KCNQ1OT1: variants seen among roughly 807,000 people sequenced by gnomAD.
KCNQ1OT1 encodes KCNQ1 antisense RNA 2 (non-protein coding).
At chr11:2,699,487 GGGAGAGTGCCGCGCTGAGGAGCCCCCA>G (rs562085347) in exon 1 of KCNQ1OT1, 140,935 of 402,384 alleles carry the variant, frequency 0.35, 28,482 homozygotes, top group East Asian at 0.83. Flanking sequence ...GGAGCCCCCG[GGGAGAGTGCCGCGCTGAGGAGCCCCCA>G]GGAGAGTGCC....
exon 1 of KCNQ1OT1, chr11:2,688,760 T>C: frequency 2.5e-6 from 1 of 398,842 alleles, no homozygotes. Context: ...CTGTGGCAGT[T>C]TCCACCTATA....
chr11:2,660,141 T>C (rs953941034), exon 1 of KCNQ1OT1: 2 of 398,328 alleles, frequency 5.0e-6, no homozygotes, highest in African/African-American at 4.1e-5. Flanking sequence ...GGAGATTTTC[T>C]CTTATGTTTT....
At chr11:2,625,478 AC>A (rs1458575767) in exon 1 of KCNQ1OT1, 1 of 397,956 alleles carries the variant, frequency 2.5e-6, no homozygotes, top group Non-Finnish European at 4.4e-6. Context: ...TGTGGTTTTG[AC>A]TTGTATTTCC....
chr11:2,615,754 C>A (rs1337727729), exon 1 of KCNQ1OT1: 2 of 397,768 alleles, frequency 5.0e-6, no homozygotes, highest in Non-Finnish European at 8.9e-6. Context: ...GATATATAAT[C>A]CTTTTTAATA....
In KCNQ1OT1 at chr11:2,658,664, C is replaced by T. The variant is rs1849895944; in HGVS notation, n.41331G>A. 2.5e-6 allele frequency: 1 copy of T among 398,432 alleles called. No homozygotes were observed. Among genetic ancestry groups the T allele is most frequent in the Admixed American group, 4.4e-5 (1 of 22,718 alleles). 24.7% of individuals were successfully genotyped at this position (398,432 alleles called of 1,614,324 possible). On this transcript the variant is annotated non_coding_transcript_exon_variant, in exon 1 of 1. Transcript: ENST00000597346. This position sits in a 1 kb window ranked among gnomAD's most constrained non-coding sequence, Gnocchi z 4.9. ...TACTAGGGTATCATTGCTTCAGTCT[C>T]CTCTCAGTGGACAGAGCTAGGAAAT...
chr11:2,693,544 T>C, exon 1 of KCNQ1OT1: 1 of 398,580 alleles, frequency 2.5e-6, no homozygotes, highest in Non-Finnish European at 4.4e-6. Flanking sequence ...GCTAGGGAGG[T>C]TGAGCCCAAG....
chr11:2,610,371 T>G (rs961304273), exon 1 of KCNQ1OT1: 2 of 398,164 alleles, frequency 5.0e-6, no homozygotes, highest in Non-Finnish European at 8.9e-6. Context: ...TGATATATCT[T>G]TAAAGAAGCT....
chr11:2,694,504 GC>G (rs1256705823), exon 1 of KCNQ1OT1: 19 of 398,504 alleles, frequency 4.8e-5, no homozygotes, highest in Non-Finnish European at 4.4e-6. Context: ...AGTGTGGCTG[GC>G]TAAGAAACCC....
Position 2,627,342 on chromosome 11 carries a change from T to C in KCNQ1OT1, n.72653A>G. 2.5e-6 allele frequency: 1 copy of C among 398,572 alleles called. No individual in the cohort carries two copies. The highest frequency in any genetic ancestry group is 4.4e-6 in the Non-Finnish European group (1 of 226,050). The allele number at this position is 398,572 out of a possible 1,614,324, so 24.7% of individuals were successfully genotyped here. A position where few individuals can be genotyped will look rare whatever the true frequency, so the allele number is the denominator to read the frequency against. On this transcript the variant is annotated non_coding_transcript_exon_variant, in exon 1 of 1. Transcript: ENST00000597346. The surrounding 1 kb of genome is among the most constrained non-coding windows in gnomAD (Gnocchi z 4.9). ...TGGTCAGAATACCTAAGCTATACTC[T>C]CTTAGCAAATTCCAAGTATAGAATA...
chr11:2,662,528 G>A, exon 1 of KCNQ1OT1: 1 of 426,878 alleles, frequency 2.3e-6, no homozygotes, highest in Non-Finnish European at 4.1e-6. Context: ...GGAAATGGCT[G>A]ATTTTCCACG....
rs181446842 is a variant in KCNQ1OT1 at position 2,641,433 on chromosome 11, T to A, written n.58562A>T. The A allele has an allele frequency of 8.7e-4, 347 of 398,464 alleles. No homozygotes were observed. Among genetic ancestry groups the A allele is most frequent in the Non-Finnish European group, 1.2e-3 (265 of 225,986 alleles). The allele number at this position is 398,464 out of a possible 1,614,324, so 24.7% of individuals were successfully genotyped here. On this transcript the variant is annotated non_coding_transcript_exon_variant, in exon 1 of 1. Transcript: ENST00000597346. ...TATACCTGTTGGCTACTTGTATGTT[T>A]TCTTTTGAGAAATATCTATCCATGT...
Position 2,612,631 on chromosome 11 carries a change from G to A in KCNQ1OT1, n.87364C>T, listed in dbSNP as rs1323633717. 1.0e-5 allele frequency: 4 copies of A among 398,344 alleles called. No individual in the cohort carries two copies. The highest frequency in any genetic ancestry group is 1.8e-5 in the Non-Finnish European group (4 of 226,040). 24.7% of individuals were successfully genotyped at this position (398,344 alleles called of 1,614,324 possible). A position where few individuals can be genotyped will look rare whatever the true frequency, so the allele number is the denominator to read the frequency against. ...TATATTGATATTATCTATTTGATGA[G>A]TCTTTGTCATCACACTTGCATTCTT... On this transcript the variant is annotated non_coding_transcript_exon_variant, in exon 1 of 1. Transcript: ENST00000597346. The surrounding 1 kb of genome is among the most constrained non-coding windows in gnomAD (Gnocchi z 5.5).
exon 1 of KCNQ1OT1, chr11:2,681,765 C>T (rs919102904): frequency 5.0e-6 from 2 of 398,368 alleles, no homozygotes; most frequent in African/African-American, 4.1e-5. Flanking sequence ...TGTGGGGGCC[C>T]TGGGACCTGG....
Position 2,664,804 on chromosome 11 carries a change from C to A in KCNQ1OT1, n.35191G>T, listed in dbSNP as rs1202159982. ...GGAGGCAGTTACCAAAAAACATTTC[C>A]ATTTTTCTTCAGCATTCTACTGATG... On this transcript the variant is annotated non_coding_transcript_exon_variant, in exon 1 of 1. Transcript: ENST00000597346. This position sits in a 1 kb window ranked among gnomAD's most constrained non-coding sequence, Gnocchi z 5.1. 1.8e-5 allele frequency: 7 copies of A among 398,698 alleles called. No homozygotes were observed. The East Asian group carries it at 2.5e-4, about 14-fold the overall frequency. The allele number at this position is 398,698 out of a possible 1,614,324, so 24.7% of individuals were successfully genotyped here. A position where few individuals can be genotyped will look rare whatever the true frequency, so the allele number is the denominator to read the frequency against.
chr11:2,662,091 T>C lies in KCNQ1OT1; in HGVS notation n.37904A>G, dbSNP rs2133856285. ...TCACCCACATCTCACAGTGAGTGCC[T>C]ACATGTGCGTGAAGGGCTGGGCTGG... On this transcript the variant is annotated non_coding_transcript_exon_variant, in exon 1 of 1. Coordinates refer to ENST00000597346, the Ensembl canonical transcript of KCNQ1OT1. 3.1e-6 allele frequency: 5 copies of C among 1,614,114 alleles called. No homozygotes were observed. Among genetic ancestry groups the C allele is most frequent in the Non-Finnish European group, 3.4e-6 (4 of 1,180,014 alleles).
chr11:2,684,491 T>A, exon 1 of KCNQ1OT1: 1 of 398,680 alleles, frequency 2.5e-6, no homozygotes, highest in Non-Finnish European at 4.4e-6. Context: ...GGCTGAGTTC[T>A]CCTTCTATTC....
Position 2,677,581 on chromosome 11 carries a change from A to C in KCNQ1OT1, n.22414T>G. 1 of 398,654 alleles carries C rather than the reference A, an allele frequency of 2.5e-6. No homozygotes were observed. Among genetic ancestry groups the C allele is most frequent in the Non-Finnish European group, 4.4e-6 (1 of 226,068 alleles). The allele number at this position is 398,654 out of a possible 1,614,324, so 24.7% of individuals were successfully genotyped here. On this transcript the variant is annotated non_coding_transcript_exon_variant, in exon 1 of 1. Transcript: ENST00000597346. This position sits in a 1 kb window ranked among gnomAD's most constrained non-coding sequence, Gnocchi z 4.5. The stretch of plus-strand genomic sequence containing the variant: ...GTTACCATATAATGCTTTACAAAAG[A>C]CAAACCAAAATCCCCTCTGGATTTG...
exon 1 of KCNQ1OT1, chr11:2,688,327 A>G: frequency 2.5e-6 from 1 of 398,820 alleles, no homozygotes; most frequent in Non-Finnish European, 4.4e-6. Context: ...TCACACACAC[A>G]GCTTCCATGG....
rs550100223 is a variant in KCNQ1OT1 at position 2,664,689 on chromosome 11, T to C, written n.35306A>G. 6 of 398,764 alleles carry C rather than the reference T, an allele frequency of 1.5e-5. No individual in the cohort carries two copies. In the South Asian group the frequency reaches 7.6e-4, roughly 51 times the overall value. The allele number at this position is 398,764 out of a possible 1,614,324, so 24.7% of individuals were successfully genotyped here. ...AGCTCCTGTGGGCAGCCTGGCCCCA[T>C]GGACCCTGAACTGGGAAGAGAGGCA... On this transcript the variant is annotated non_coding_transcript_exon_variant, in exon 1 of 1. Transcript: ENST00000597346. The surrounding 1 kb of genome is among the most constrained non-coding windows in gnomAD (Gnocchi z 5.1).
Sources: gnomAD v4.1 joint callset for allele counts on GRCh38, gnomAD v4.1.1 for gene constraint, Gnocchi (gnomAD v3.1) non-coding constraint, MANE v1.5 for transcripts, NCBI Gene and HGNC (gene_info 2026-07-23, HGNC 2026-07-21) for gene names.